CSMD1: variants seen among roughly 807,000 people sequenced by gnomAD.
The protein encoded by CSMD1 is CUB and Sushi multiple domains 1.
A neutral mutation model predicts 417.5 loss-of-function variants in CSMD1; 213 were observed. The observed-to-expected ratio is 0.51, with a 90% CI of 0.46 to 0.57. CSMD1 has a LOEUF of 0.57. CSMD1 is among the 20% of genes least tolerant of loss of function. The probability of loss-of-function intolerance (pLI) is 0.00; values close to 1 mark genes in which losing one functional copy is unlikely to be tolerated. For missense variants in CSMD1, 6,923 were observed against 4,529.7 expected, an observed-to-expected ratio of 1.53 and a Z score of -15.17; for synonymous variants, 2,862 against 1,736.8, an observed-to-expected ratio of 1.65 and a Z score of -16.11.
intron 8 of CSMD1, among the ~76,000 whole-genome samples, chr8:3,610,873 G>T (rs1012249892): frequency 1.3e-5 from 2 of 152,020 alleles, no homozygotes; most frequent in African/African-American, 4.8e-5. Flanking sequence ...CTTCTTCACT[G>T]AGTTGCCTTT....
At chr8:3,090,090 G>A (rs7818994) in intron 48 of CSMD1, among the ~76,000 whole-genome samples, 32,369 of 151,588 alleles carry the variant, frequency 0.21, 3,799 homozygotes, top group South Asian at 0.31. Flanking sequence ...CGAGGCGGCC[G>A]GATCACAAGG....
intron 2 of CSMD1, among the ~76,000 whole-genome samples, chr8:4,448,097 T>TC (rs1388282115): frequency 4.6e-5 from 7 of 152,218 alleles, no homozygotes; most frequent in African/African-American, 1.7e-4. Context: ...TGTTCCCTTC[T>TC]CTATGTTCTT....
intron 6 of CSMD1, among the ~76,000 whole-genome samples, chr8:3,729,828 C>A (rs986804565): frequency 6.7e-6 from 1 of 148,558 alleles, no homozygotes; most frequent in African/African-American, 2.5e-5. Flanking sequence ...TATTTATAAA[C>A]AAGGCACCTT....
chr8:3,329,342 G>A (rs1371029830), intron 23 of CSMD1, among the ~76,000 whole-genome samples: 1 of 152,038 alleles, frequency 6.6e-6, no homozygotes, highest in African/African-American at 2.4e-5. Flanking sequence ...TGACCCATTT[G>A]CAGCGTGACA....
At chr8:4,572,062 C>G (rs2693798) in intron 2 of CSMD1, among the ~76,000 whole-genome samples, 61,373 of 151,852 alleles carry the variant, frequency 0.4, 13,023 homozygotes, top group East Asian at 0.53. Context: ...GGTCTTGACT[C>G]TTTATTCAAT....
Position 3,407,954 on chromosome 8 carries a change from C to T in CSMD1, c.2016G>A (p.Leu672=). The T allele has an allele frequency of 6.2e-7, 1 of 1,613,444 alleles. No individual in the cohort carries two copies. The highest frequency in any genetic ancestry group is 8.5e-7 in the Non-Finnish European group (1 of 1,179,678). ...TAGTGGAATGGTCAGACTGAAATTC[C>T]AAGCGAACTATATGCCCACTGCTGG... ...QLASSGHIVR[L]EFQSDHSTTG... Residue 672 remains leucine (L), a synonymous_variant, in exon 14 of 70, where the codon TTG becomes TTA. Coordinates refer to ENST00000635120, the MANE Select transcript of CSMD1 (RefSeq NM_033225.6).
intron 1 of CSMD1, among the ~76,000 whole-genome samples, chr8:4,768,538 G>C (rs1247355990): frequency 6.6e-6 from 1 of 152,194 alleles, no homozygotes; most frequent in Non-Finnish European, 1.5e-5. Flanking sequence ...GTAATCATTT[G>C]TTTGAGCCTC....
At chr8:4,658,348 G>C (rs1302824348) in intron 1 of CSMD1, among the ~76,000 whole-genome samples, 1 of 152,010 alleles carries the variant, frequency 6.6e-6, no homozygotes, top group Non-Finnish European at 1.5e-5. Flanking sequence ...TTTAAAGATG[G>C]CAAGACAGAA....
chr8:3,764,816 G>T (rs1335397442), intron 5 of CSMD1, among the ~76,000 whole-genome samples: 1 of 149,064 alleles, frequency 6.7e-6, no homozygotes, highest in Non-Finnish European at 1.5e-5. Flanking sequence ...GCACCATCTT[G>T]GCTCAGTGAA....
At chr8:3,876,909 T>C (rs1354296935) in intron 5 of CSMD1, among the ~76,000 whole-genome samples, 1 of 152,220 alleles carries the variant, frequency 6.6e-6, no homozygotes, top group South Asian at 2.1e-4. Flanking sequence ...ATCCACTCTG[T>C]CCAGCCTCTC....
chr8:3,174,836 G>C (rs1436973919), intron 37 of CSMD1, among the ~76,000 whole-genome samples: 1 of 151,570 alleles, frequency 6.6e-6, no homozygotes, highest in Non-Finnish European at 1.5e-5. Flanking sequence ...CTTTTTTTAT[G>C]TTGCATCAAA....
chr8:4,702,282 A>G (rs566148876), intron 1 of CSMD1, among the ~76,000 whole-genome samples: 2 of 152,298 alleles, frequency 1.3e-5, no homozygotes, highest in East Asian at 3.9e-4. Context: ...AAAAATCAAC[A>G]GGTTGCCTTG....
chr8:3,187,670 G>A (rs999424947), intron 36 of CSMD1, among the ~76,000 whole-genome samples, 199 bp downstream of exon 36: 7 of 152,110 alleles, frequency 4.6e-5, no homozygotes, highest in African/African-American at 1.4e-4. Flanking sequence ...TCTCCTCCTC[G>A]TGGAGAACAC....
intron 2 of CSMD1, among the ~76,000 whole-genome samples, chr8:4,449,234 T>C (rs769402128): frequency 4.6e-5 from 7 of 152,176 alleles, no homozygotes; most frequent in Non-Finnish European, 8.8e-5. Context: ...AATTACACTG[T>C]CTATGCTTAT....
intron 3 of CSMD1, among the ~76,000 whole-genome samples, chr8:4,354,578 A>T (rs1044732390): frequency 1.3e-5 from 2 of 152,166 alleles, no homozygotes; most frequent in Admixed American, 1.3e-4. Context: ...GGCAGACTTC[A>T]CCGTGACTCA....
At chr8:4,398,015 A>G (rs1804374578) in intron 3 of CSMD1, among the ~76,000 whole-genome samples, 1 of 152,220 alleles carries the variant, frequency 6.6e-6, no homozygotes, top group Admixed American at 6.5e-5. Flanking sequence ...TAGGTCATAC[A>G]TACTGGTATC....
intron 1 of CSMD1, among the ~76,000 whole-genome samples, chr8:4,976,327 C>T (rs2117406039): frequency 6.6e-6 from 1 of 152,186 alleles, no homozygotes; most frequent in East Asian, 1.9e-4. Flanking sequence ...GCAGCTGTTC[C>T]TTCTCTCAGT....
intron 3 of CSMD1, among the ~76,000 whole-genome samples, chr8:4,145,483 G>C (rs1804056834): frequency 6.6e-6 from 1 of 151,058 alleles, no homozygotes; most frequent in South Asian, 2.1e-4. Flanking sequence ...CGGTAAACTA[G>C]ACGGCATGTG....
chr8:3,255,433 C>T (rs903773229), intron 26 of CSMD1, among the ~76,000 whole-genome samples: 3 of 152,238 alleles, frequency 2.0e-5, no homozygotes, highest in South Asian at 2.1e-4. Context: ...CAGGTTTCTG[C>T]TGCCTTTTGT....
Sources: gnomAD v4.1 joint callset for allele counts (sites outside exome capture counted in the v4.1 genomes callset) on GRCh38, gnomAD v4.1.1 for gene constraint, MANE v1.5 for transcripts, NCBI Gene and HGNC (gene_info 2026-07-23, HGNC 2026-07-21) for gene names.